Variants in TNC observed in about 807,000 individuals in gnomAD.
TNC encodes the protein tenascin.
TNC carries 109 observed loss-of-function variants against 202.4 expected under a neutral mutation model. The ratio of observed to expected loss-of-function variants is 0.54; its 90% confidence interval spans 0.46 to 0.63. The LOEUF is 0.63. TNC is among the 30% of genes least tolerant of loss of function. TNC has a pLI of 0.00. For synonymous variants in TNC, 1,007 were observed against 1,089.7 expected (o/e 0.92, Z 1.50); for missense variants, 2,756 against 2,833.3 (o/e 0.97, Z 0.62).
chr9:115,100,110 CTTTCT>C (rs1836117459), intron 1 of TNC, among the ~76,000 whole-genome samples: 1 of 152,154 alleles, frequency 6.6e-6, no homozygotes, highest in Admixed American at 6.6e-5. Flanking sequence ...TGAGCCAGGG[CTTTCT>C]ACTGAATAGA....
intron 1 of TNC, among the ~76,000 whole-genome samples, chr9:115,093,317 A>AAAC (rs920506381): frequency 6.6e-6 from 1 of 152,190 alleles, no homozygotes; most frequent in Non-Finnish European, 1.5e-5. Context: ...AACAAAACAA[A>AAAC]AACAACAACA....
chr9:115,079,561 C>T (rs1279299433), intron 6 of TNC, among the ~76,000 whole-genome samples: 1 of 152,138 alleles, frequency 6.6e-6, no homozygotes, highest in Non-Finnish European at 1.5e-5. Flanking sequence ...ACTGATATCC[C>T]CCTAGATTTG....
At chr9:115,037,410 C>T (rs1225794444) in intron 20 of TNC, among the ~76,000 whole-genome samples, 2 of 152,228 alleles carry the variant, frequency 1.3e-5, no homozygotes, top group Non-Finnish European at 2.9e-5. Flanking sequence ...TTTGATTTTA[C>T]TTTCTGGCAG....
chr9:115,039,679 C>G (rs1419931869), intron 19 of TNC, among the ~76,000 whole-genome samples: 5 of 152,228 alleles, frequency 3.3e-5, no homozygotes, highest in African/African-American at 1.2e-4. Context: ...GATGAAATGA[C>G]TGGTCTGAGA....
chr9:115,086,527 C>G lies in TNC; in HGVS notation c.1204G>C (p.Asp402His), dbSNP rs894129089. 9 of 1,614,030 alleles carry G rather than the reference C, an allele frequency of 5.6e-6. No individual in the cohort carries two copies. The South Asian group carries it at 9.9e-5, about 18-fold the overall frequency. Residue 402 changes from aspartate to histidine, a missense_variant, in exon 3 of 28, where the codon GAC (aspartate) becomes CAC (histidine). Physicochemically the swap from Asp to His is moderately conservative, Grantham distance 81. This residue lies in a region of TNC where 2,559 missense variants were observed against 2,546.0 expected (regional missense o/e 1.01). Coordinates refer to ENST00000350763, the MANE Select transcript of TNC (RefSeq NM_002160.4). ...TTGGGACACTTGAGCTCCCCACAGTCAGCTCCAGTGAAACCATCATCACAC... is the reference window on the plus strand; with the variant it reads ...TTGGGACACTTGAGCTCCCCACAGTGAGCTCCAGTGAAACCATCATCACAC... The part of the protein sequence containing the change: ...CECDDGFTGA[D>H]CGELKCPNGC...
chr9:115,030,879 G>A (rs753298382), intron 23 of TNC, among the ~76,000 whole-genome samples: 2 of 152,172 alleles, frequency 1.3e-5, no homozygotes, highest in Non-Finnish European at 2.9e-5. Flanking sequence ...TTGCAGGTTT[G>A]CTATCTGCAG....
At chr9:115,081,338 C>T (rs1049454006) in intron 6 of TNC, among the ~76,000 whole-genome samples, 29 of 152,194 alleles carry the variant, frequency 1.9e-4, no homozygotes, top group Admixed American at 8.5e-4. Flanking sequence ...AAACTCCTTT[C>T]ATCAAGAGAT....
rs748129315 is a variant in TNC at position 115,087,013 on chromosome 9, C to T, written c.718G>A (p.Glu240Lys). 6.2e-6 allele frequency: 10 copies of T among 1,613,504 alleles called. No individual in the cohort carries two copies. The highest frequency in any genetic ancestry group is 1.7e-4 in the Middle Eastern group (1 of 6,054). ...KCVNGVCICFEGYAGADCSRE... is the reference protein window; with the variant it reads ...KCVNGVCICFKGYAGADCSRE... ...CTGCAGTCAGCCCCGGCGTAGCCTTCGAAACAGATGCAGACTCCATTTACG... is the reference window on the plus strand; with the variant it reads ...CTGCAGTCAGCCCCGGCGTAGCCTTTGAAACAGATGCAGACTCCATTTACG... Residue 240 changes from glutamate (E) to lysine (K), a missense_variant, in exon 3 of 28, where the codon GAA (glutamate) becomes AAA (lysine). Glu to Lys is a moderately conservative substitution (Grantham distance 56). This residue lies in a region of TNC where 2,559 missense variants were observed against 2,546.0 expected (regional missense o/e 1.01). Coordinates refer to ENST00000350763, the MANE Select transcript of TNC (RefSeq NM_002160.4).
intron 22 of TNC, among the ~76,000 whole-genome samples, chr9:115,034,152 A>G (rs1300479862): frequency 6.6e-6 from 1 of 152,234 alleles, no homozygotes; most frequent in Non-Finnish European, 1.5e-5. Context: ...CCAGAGAGGA[A>G]GTCCGGATTC....
chr9:115,103,640 T>C (rs771612328), intron 1 of TNC, among the ~76,000 whole-genome samples: 5 of 152,336 alleles, frequency 3.3e-5, no homozygotes, highest in Middle Eastern at 3.4e-3. Context: ...TTTCCAATTC[T>C]AAGATCCCTT....
chr9:115,111,399 C>CTCTTTTTTTTTTTTTTTTTTTTTTTTT (rs1174066886), intron 1 of TNC, among the ~76,000 whole-genome samples: 1 of 71,342 alleles, frequency 1.4e-5, no homozygotes, highest in African/African-American at 6.0e-5. Flanking sequence ...CTCTCTCTCT[C>CTCTTTTTTTTTTTTTTTTTTTTTTTTT]TTTTTTTTTT....
intron 10 of TNC, among the ~76,000 whole-genome samples, chr9:115,072,606 C>T (rs1237298929): frequency 6.6e-6 from 1 of 152,198 alleles, no homozygotes; most frequent in Non-Finnish European, 1.5e-5. Flanking sequence ...CCTTGGATCA[C>T]TCTTTTTCTC....
intron 2 of TNC, among the ~76,000 whole-genome samples, chr9:115,088,212 A>AC (rs1834946471): frequency 6.6e-6 from 1 of 151,128 alleles, no homozygotes; most frequent in African/African-American, 2.4e-5. Context: ...AGTTAAGTAA[A>AC]CCCCTTAAGA....
chr9:115,050,894 G>A (rs533596823), intron 15 of TNC, among the ~76,000 whole-genome samples: 1 of 152,210 alleles, frequency 6.6e-6, no homozygotes, highest in East Asian at 1.9e-4. Context: ...CTGTGGGAGA[G>A]GTTTAGAAAC....
rs761624391 is a variant in TNC at position 115,076,112 on chromosome 9, G to A, written c.2870C>T (p.Pro957Leu). 94 of 1,613,804 alleles carry A rather than the reference G, an allele frequency of 5.8e-5. No individual in the cohort carries two copies. The highest frequency in any genetic ancestry group is 1.6e-4 in the Middle Eastern group (1 of 6,084). ...TTKTTLTGLR[P>L]GTEYGIGVSA... ...AACTCCAATCCCATATTCAGTTCCC[G>A]GCCTCAGACCTAAGGAGAGAATGTG... Residue 957 changes from proline (P) to leucine (L), a missense_variant, in exon 9 of 28, where the codon CCG becomes CTG. Transcript: ENST00000350763.
chr9:115,110,807 A>G (rs1028119444), intron 1 of TNC, among the ~76,000 whole-genome samples: 2 of 152,206 alleles, frequency 1.3e-5, no homozygotes, highest in Non-Finnish European at 2.9e-5. Context: ...ACAACTAATC[A>G]AAACACTTGG....
chr9:115,029,326 G>T (rs770437524), intron 25 of TNC, 34 bp downstream of exon 25: 3 of 1,596,874 alleles, frequency 1.9e-6, no homozygotes, highest in Non-Finnish European at 8.6e-7. Context: ...GCAGAATCAG[G>T]CATTTTAGAT....
At chr9:115,042,105 G>T in intron 18 of TNC, 114 bp downstream of exon 18, 6 of 1,442,480 alleles carry the variant, frequency 4.2e-6, no homozygotes, top group South Asian at 2.9e-5. Flanking sequence ...CACAAATAAA[G>T]AATTCATTTT....
At chr9:115,035,090 T>TC (rs1649291982) in intron 22 of TNC, 114 bp downstream of exon 22, 3 of 1,297,608 alleles carry the variant, frequency 2.3e-6, no homozygotes, top group Non-Finnish European at 3.1e-6. Flanking sequence ...ATTTTTTTTT[T>TC]CAGCTCCCCA....
Sources: allele counts gnomAD v4.1 joint callset (sites outside exome capture counted in the v4.1 genomes callset), GRCh38; gene constraint gnomAD v4.1.1; regional missense constraint gnomAD v4.1.1; transcripts MANE v1.5; gene names NCBI Gene and HGNC (gene_info 2026-07-23, HGNC 2026-07-21).